CHD4: variants seen among roughly 807,000 people sequenced by gnomAD.
CHD4 encodes chromodomain helicase DNA binding protein 4.
CHD4 carries 35 observed loss-of-function variants against 235.5 expected under a neutral mutation model. The observed-to-expected ratio is 0.15, with a 90% CI of 0.11 to 0.20. The LOEUF (loss-of-function observed/expected upper bound fraction) is 0.20. Among genes scored for constraint, CHD4 ranks in the 10% least tolerant of loss-of-function variants. CHD4 has a pLI of 1.00. For missense variants in CHD4, 1,329 were observed against 2,432.3 expected (o/e 0.55, Z 9.54); for synonymous variants, 900 against 850.2 (o/e 1.06, Z -1.02).
chr12:6,604,487 C>T (rs1948655253), intron 2 of CHD4, among the ~76,000 whole-genome samples: 2 of 152,182 alleles, frequency 1.3e-5, no homozygotes, highest in South Asian at 4.2e-4. Flanking sequence ...CCCATTCCCC[C>T]TTGGGAATGC....
intron 39 of CHD4, 63 bp from the exon 40 acceptor site, chr12:6,570,756 A>C (rs1416828398): frequency 1.5e-5 from 24 of 1,613,170 alleles, no homozygotes; most frequent in Non-Finnish European, 2.0e-5. Context: ...ATCTCAAGGG[A>C]ATTCACTGAT....
At position 6,594,596 on chromosome 12, in the gene CHD4, G is replaced by A. The variant is rs1421801507; in HGVS notation, c.2176C>T (p.Leu726=). 3 of 1,614,174 alleles carry A rather than the reference G, an allele frequency of 1.9e-6. No homozygotes were observed. In the South Asian group the frequency reaches 3.3e-5, roughly 18 times the overall value. ...AGGCCCTCCATTTGATAGGGGTGCA[G>A]GGTTCCACCTGTAGCATCCAGGTAC... ...PEYLDATGGT[L]HPYQMEGLNW... is the part of the protein sequence containing the mutation. Residue 726 remains leucine (L), a synonymous_variant, in exon 15 of 40, where the codon CTG becomes TTG. Coordinates refer to ENST00000544040, the MANE Select transcript of CHD4 (RefSeq NM_001273.5).
At chr12:6,605,616 G>A (rs1482427175) in intron 2 of CHD4, among the ~76,000 whole-genome samples, 1 of 152,136 alleles carries the variant, frequency 6.6e-6, no homozygotes, top group Non-Finnish European at 1.5e-5. Context: ...TCACCAGGAG[G>A]AGGAGTGCCC....
At chr12:6,581,205 G>C in intron 32 of CHD4, 32 bp from the exon 33 acceptor site, 1 of 1,611,370 alleles carries the variant, frequency 6.2e-7, no homozygotes, top group Non-Finnish European at 8.5e-7. Context: ...AAACAAAACA[G>C]ATGAAGCAGA....
rs758077820 is a variant in CHD4, at chr12:6,601,100, G to A, written c.800-47C>T. 1.8e-5 allele frequency: 28 copies of A among 1,525,920 alleles called. No homozygotes were observed. In the African/African-American group the frequency reaches 2.4e-4, roughly 13 times the overall value. 94.5% of individuals were successfully genotyped at this position (1,525,920 alleles called of 1,614,324 possible). Reference sequence around the variant, plus strand: ...ATATATACCACAAGACCAAAGATGGGGAAAATAAAATCTTCTCCACCTAAG... The same window carrying A: ...ATATATACCACAAGACCAAAGATGGAGAAAATAAAATCTTCTCCACCTAAG... On this transcript the variant is annotated intron_variant, in intron 6 of 39. Transcript: ENST00000544040.
chr12:6,598,481 C>G, intron 10 of CHD4, 56 bp from the exon 11 acceptor site: 1 of 1,388,724 alleles, frequency 7.2e-7, no homozygotes, highest in East Asian at 2.3e-5. Flanking sequence ...GGAGAAGGGA[C>G]AGCCCACAGT....
In CHD4 at chr12:6,595,342, T is replaced by C. The variant is rs1055200091; in HGVS notation, c.2113A>G (p.Thr705Ala). ...CTTCCACCCCCACTCACATCAACTG[T>C]TGGCGTTTCTGGAGGCCTCTCCAAC... ...RKLERPPETP[T>A]VDPTVKYERQ... Residue 705 changes from threonine to alanine, a missense_variant, in exon 14 of 40, where the codon ACA becomes GCA. Thr to Ala is a moderately conservative substitution (Grantham distance 58). This residue lies in a region of CHD4 where 121 missense variants were observed against 177.8 expected (regional missense o/e 0.68). Transcript: ENST00000544040. 2.5e-5 allele frequency: 41 copies of C among 1,613,952 alleles called. No homozygotes were observed. Among genetic ancestry groups the C allele is most frequent in the African/African-American group, 9.3e-5 (7 of 74,934 alleles).
intron 13 of CHD4, 150 bp downstream of exon 13, chr12:6,595,856 G>A (rs992044323): frequency 2.0e-5 from 16 of 790,152 alleles, no homozygotes; most frequent in Non-Finnish European, 2.7e-5. Context: ...TACTCAGGAG[G>A]CTAAGGCAGG....
At chr12:6,588,994 C>T (rs757765922) in intron 22 of CHD4, among the ~76,000 whole-genome samples, 1 of 151,936 alleles carries the variant, frequency 6.6e-6, no homozygotes, top group Admixed American at 6.6e-5. Context: ...ACACCTGTAA[C>T]CCCAACACTT....
Position 6,592,485 on chromosome 12 carries a change from C to A in CHD4, c.2856G>T (p.Pro952=). 6.2e-7 allele frequency: 1 copy of A among 1,612,042 alleles called. No individual in the cohort carries two copies. Among genetic ancestry groups the A allele is most frequent in the South Asian group, 1.1e-5 (1 of 91,046 alleles). ...CGGCTTTGAGCCGCCGCAACATGTG[C>A]GGCCCCAGCATGTCATGCAGTTTTT... The part of the protein sequence containing the change: ...QIKKLHDMLG[P]HMLRRLKADV... Residue 952 remains proline (P), a synonymous_variant, in exon 19 of 40, where the codon CCG becomes CCT. Transcript: ENST00000544040.
chr12:6,606,801 G>A (rs1206443342), intron 1 of CHD4: 1 of 153,978 alleles, frequency 6.5e-6, no homozygotes, highest in Non-Finnish European at 1.4e-5. Context: ...GGGGACACAA[G>A]GTCACTTGGG....
At chr12:6,595,880 C>T in intron 13 of CHD4, 126 bp downstream of exon 13, 3 of 1,053,018 alleles carry the variant, frequency 2.8e-6, no homozygotes, top group Admixed American at 2.9e-5. Context: ...ATCGTTTGAA[C>T]CAGGAAGTCG....
chr12:6,599,715 C>T (rs1948557553), intron 10 of CHD4, 58 bp downstream of exon 10: 5 of 1,608,014 alleles, frequency 3.1e-6, no homozygotes, highest in Non-Finnish European at 2.6e-6. Flanking sequence ...TCACAATAGC[C>T]TACATAGAAA....
intron 33 of CHD4, chr12:6,580,731 A>C: frequency 3.4e-5 from 8 of 236,182 alleles, no homozygotes; most frequent in East Asian, 9.0e-5. Context: ...AAAAAAAGCC[A>C]GGCACAGTGG....
In CHD4 at chr12:6,606,285, G is replaced by A. The variant is rs752218285; in HGVS notation, c.89C>T (p.Pro30Leu). ...MDALLNNSLP[P>L]PHPENEEDPE... ...GGGGAAGATGTTACCTGGGTGGGGT[G>A]GGGGCAGGCTGTTGTTCAAAAGTGC... Residue 30 changes from proline to leucine, a missense_variant, in exon 2 of 40, where the codon CCA becomes CTA. Pro to Leu is a moderately conservative substitution (Grantham distance 98). Transcript: ENST00000544040. 4.4e-6 allele frequency: 7 copies of A among 1,576,522 alleles called. No individual in the cohort carries two copies. The highest frequency in any genetic ancestry group is 6.0e-6 in the Non-Finnish European group (7 of 1,161,304).
chr12:6,580,964 G>A lies in CHD4; in HGVS notation c.4909+80C>T, dbSNP rs111808702. On this transcript the variant is annotated intron_variant, in intron 33 of 39. Coordinates refer to ENST00000544040, the MANE Select transcript of CHD4 (RefSeq NM_001273.5). ...GGAGGTTGCAGTAAGCCAAGATCGC[G>A]CCACAGCACTCCAGCCTGGCGGCAG... 5,946 of 1,524,784 alleles carry A rather than the reference G, an allele frequency of 3.9e-3. 205 individuals carry two copies. The African/African-American group carries it at 0.072, about 19-fold the overall frequency. The allele number at this position is 1,524,784 out of a possible 1,614,324, so 94.5% of individuals were successfully genotyped here.
At chr12:6,601,268 C>A in intron 6 of CHD4, 21 bp downstream of exon 6, 1 of 1,609,558 alleles carries the variant, frequency 6.2e-7, no homozygotes, top group African/African-American at 1.3e-5. Context: ...CACCCCCACT[C>A]CCATTTGAAC....
Position 6,601,344 on chromosome 12 carries a change from T to C in CHD4, c.744A>G (p.Pro248=). 6.2e-7 allele frequency: 1 copy of C among 1,613,990 alleles called. No individual in the cohort carries two copies. Among genetic ancestry groups the C allele is most frequent in the Non-Finnish European group, 8.5e-7 (1 of 1,179,936 alleles). The change falls in exon 6 of 40, where the codon CCA becomes CCG. Residue 248 remains proline, a synonymous_variant. Transcript: ENST00000544040. ...ESMVTATEVA[P]PPPPVEVPIR... ...TAGGCACCTCCACAGGGGGAGGTGGTGGTGCAACCTCAGTGGCTGTCACCA... is the reference window on the plus strand; with the variant it reads ...TAGGCACCTCCACAGGGGGAGGTGGCGGTGCAACCTCAGTGGCTGTCACCA...
chr12:6,599,394 T>C (rs1457108633), intron 10 of CHD4, among the ~76,000 whole-genome samples: 1 of 151,690 alleles, frequency 6.6e-6, no homozygotes, highest in Non-Finnish European at 1.5e-5. Flanking sequence ...GAGCTATGAC[T>C]GCACCACTGC....
Sources: allele counts gnomAD v4.1 joint callset (sites outside exome capture counted in the v4.1 genomes callset), GRCh38; gene constraint gnomAD v4.1.1; regional missense constraint gnomAD v4.1.1; transcripts MANE v1.5; gene names NCBI Gene and HGNC (gene_info 2026-07-23, HGNC 2026-07-21).